Variants in STXBP5L observed in about 807,000 individuals in gnomAD.
STXBP5L encodes syntaxin-binding protein 5-like.
Under a neutral mutation model 144.5 loss-of-function variants are expected in STXBP5L, and 65 were observed. That is an observed-to-expected ratio of 0.45 (90% CI 0.37 to 0.55). The LOEUF is 0.55. STXBP5L is among the 20% of genes least tolerant of loss of function. The pLI is 0.00. For synonymous variants in STXBP5L, 505 were observed against 469.6 expected (o/e 1.08, Z -0.97); for missense variants, 1,298 against 1,405.5 (o/e 0.92, Z 1.22).
intron 14 of STXBP5L, among the ~76,000 whole-genome samples, chr3:121,247,442 T>C (rs2049890713): frequency 6.6e-6 from 1 of 152,194 alleles, no homozygotes; most frequent in Non-Finnish European, 1.5e-5. Context: ...TAATACCCAA[T>C]AGGTAGTTTT....
At chr3:121,337,962 A>G (rs1326871450) in intron 20 of STXBP5L, among the ~76,000 whole-genome samples, 1 of 152,172 alleles carries the variant, frequency 6.6e-6, no homozygotes, top group Non-Finnish European at 1.5e-5. Context: ...ATTTGGGGGT[A>G]AAAAATGAAA....
At chr3:120,956,427 ATTC>A (rs1024163080) in intron 3 of STXBP5L, among the ~76,000 whole-genome samples, 4 of 151,888 alleles carry the variant, frequency 2.6e-5, no homozygotes, top group African/African-American at 7.2e-5. Context: ...AGCATACAGT[ATTC>A]TTCTTTTTTG....
chr3:121,372,082 G>C lies in STXBP5L; in HGVS notation c.2177-6634G>C, dbSNP rs569194110. 7.2e-5 allele frequency among the ~76,000 whole-genome samples: 11 copies of C among 152,328 alleles called. No individual in the cohort carries two copies. The East Asian group carries it at 2.1e-3, about 29-fold the overall frequency. On this transcript the variant is annotated intron_variant, in intron 20 of 26. Transcript: ENST00000471454. The stretch of plus-strand genomic sequence containing the variant: ...AGCAGCATGGAGGCTGCTGTTGGGG[G>C]AGGACTCAGTGTGGTGCAGGCAGGG...
chr3:121,323,544 A>G (rs976084761), intron 20 of STXBP5L, among the ~76,000 whole-genome samples: 3 of 152,180 alleles, frequency 2.0e-5, no homozygotes, highest in African/African-American at 4.8e-5. Context: ...TGGAATGCCA[A>G]TGTTCTCAGT....
intron 20 of STXBP5L, among the ~76,000 whole-genome samples, chr3:121,356,282 T>A (rs570436352): frequency 1.3e-5 from 2 of 152,344 alleles, no homozygotes; most frequent in East Asian, 3.9e-4. Flanking sequence ...TTTGTTCAGC[T>A]AAGCCCTGCC....
intron 22 of STXBP5L, among the ~76,000 whole-genome samples, chr3:121,390,682 T>G (rs1237944307): frequency 1.3e-5 from 2 of 152,170 alleles, no homozygotes; most frequent in African/African-American, 2.4e-5. Context: ...GGTTGAAAAT[T>G]TTTTTCTTTA....
chr3:121,367,814 C>A (rs1457350033), intron 20 of STXBP5L, among the ~76,000 whole-genome samples: 1 of 30,944 alleles, frequency 3.2e-5, no homozygotes, highest in East Asian at 1.8e-3. Flanking sequence ...TTGTAGAGAC[C>A]AGGTCTTCCT....
chr3:121,061,510 C>G (rs1466269668), intron 5 of STXBP5L, among the ~76,000 whole-genome samples: 4 of 152,116 alleles, frequency 2.6e-5, no homozygotes, highest in Non-Finnish European at 5.9e-5. Flanking sequence ...GAGCTGATAT[C>G]AAGTCCTGAA....
At chr3:121,301,795 T>G (rs983558497) in intron 19 of STXBP5L, among the ~76,000 whole-genome samples, 6 of 152,176 alleles carry the variant, frequency 3.9e-5, no homozygotes, top group Non-Finnish European at 7.3e-5. Flanking sequence ...CTGCATCTAT[T>G]GAGATAATCA....
Position 120,919,881 on chromosome 3 carries a change from T to C in STXBP5L, c.189+10114T>C, listed in dbSNP as rs116481290. The stretch of plus-strand genomic sequence containing the variant: ...ATAACTTTTATGAAACTCCCTCTTA[T>C]TCTTTTTTCAATGGCTCAGGTTTTT... On this transcript the variant is annotated intron_variant, in intron 2 of 26. Coordinates refer to ENST00000471454, the MANE Select transcript of STXBP5L (RefSeq NM_001308330.2). Among the ~76,000 whole-genome samples the C allele has an allele frequency of 4.1e-3, 616 of 151,984 alleles. 3 individuals are homozygous for C. The highest frequency in any genetic ancestry group is 0.014 in the African/African-American group (581 of 41,538).
intron 5 of STXBP5L, among the ~76,000 whole-genome samples, chr3:121,062,441 C>A (rs116174647): frequency 1.3e-5 from 2 of 152,116 alleles, no homozygotes; most frequent in African/African-American, 2.4e-5. Flanking sequence ...ACATTTTTTC[C>A]TTCATTTCAA....
intron 3 of STXBP5L, among the ~76,000 whole-genome samples, chr3:120,980,283 T>G (rs2107867841): frequency 6.6e-6 from 1 of 152,292 alleles, no homozygotes; most frequent in East Asian, 1.9e-4. Flanking sequence ...TTGATTTTTC[T>G]GCCTCAATGA....
At chr3:121,093,329 A>G (rs555587324) in intron 5 of STXBP5L, among the ~76,000 whole-genome samples, 21 of 152,286 alleles carry the variant, frequency 1.4e-4, no homozygotes, top group Non-Finnish European at 2.9e-5. Context: ...ATTGATTGGA[A>G]TAGTTTCAGA....
chr3:120,954,252 A>G (rs767075664), intron 2 of STXBP5L, among the ~76,000 whole-genome samples: 31 of 152,302 alleles, frequency 2.0e-4, no homozygotes, highest in Admixed American at 4.6e-4. Flanking sequence ...ATGCAGAGAA[A>G]TCACAAATTT....
intron 3 of STXBP5L, among the ~76,000 whole-genome samples, chr3:120,981,359 C>G (rs1364283970): frequency 6.6e-6 from 1 of 152,054 alleles, no homozygotes; most frequent in Non-Finnish European, 1.5e-5. Context: ...TTTAAATAAT[C>G]CCATGTTTCT....
chr3:121,118,756 A>C (rs2044336176), intron 6 of STXBP5L, among the ~76,000 whole-genome samples: 1 of 151,556 alleles, frequency 6.6e-6, no homozygotes. Context: ...AAATATTTAA[A>C]AGAAGGAATA....
chr3:121,010,300 T>C (rs1361861328), intron 3 of STXBP5L, among the ~76,000 whole-genome samples: 1 of 151,824 alleles, frequency 6.6e-6, no homozygotes, highest in Non-Finnish European at 1.5e-5. Flanking sequence ...CACTGCAGCA[T>C]CTTCTTCAAG....
intron 3 of STXBP5L, among the ~76,000 whole-genome samples, chr3:120,955,288 C>T (rs1182740272): frequency 2.0e-5 from 3 of 151,836 alleles, no homozygotes; most frequent in Non-Finnish European, 2.9e-5. Flanking sequence ...ATCCATCTGC[C>T]TAGAAGTTTA....
At chr3:121,042,665 G>A (rs1158730245) in intron 4 of STXBP5L, among the ~76,000 whole-genome samples, 1 of 152,022 alleles carries the variant, frequency 6.6e-6, no homozygotes, top group Admixed American at 6.6e-5. Flanking sequence ...ATAAGTGTGG[G>A]TAAAATGTCT....
Sources: allele counts gnomAD v4.1 joint callset (sites outside exome capture counted in the v4.1 genomes callset), GRCh38; gene constraint gnomAD v4.1.1; transcripts MANE v1.5; gene names NCBI Gene and HGNC (gene_info 2026-07-23, HGNC 2026-07-21).